The following HLCS variants were observed in gnomAD, a reference collection of about 807,000 sequenced individuals.
HLCS encodes the protein holocarboxylase synthetase, also known as biotin--protein ligase.
A neutral mutation model predicts 75.0 loss-of-function variants in HLCS; 53 were observed. The ratio of observed to expected loss-of-function variants is 0.71; its 90% CI spans 0.57 to 0.89. The LOEUF (loss-of-function observed/expected upper bound fraction) is 0.89. HLCS is among the 40% of genes least tolerant of loss of function. The pLI is 0.00. For missense variants in HLCS, 966 were observed against 1,074.0 expected, an observed-to-expected ratio of 0.90 and a Z score of 1.41; for synonymous variants, 431 against 428.6, an observed-to-expected ratio of 1.01 and a Z score of -0.07.
chr21:36,952,789 CAAAAAAAAAA>C (rs35700333), intron 2 of HLCS, among the ~76,000 whole-genome samples: 2 of 48,854 alleles, frequency 4.1e-5, no homozygotes, highest in South Asian at 7.2e-4. Flanking sequence ...GACTCCGTCT[CAAAAAAAAAA>C]AAAAAAAAAA....
At chr21:36,846,874 C>T (rs373500494) in intron 6 of HLCS, among the ~76,000 whole-genome samples, 60 of 152,254 alleles carry the variant, frequency 3.9e-4, no homozygotes, top group African/African-American at 1.3e-3. Flanking sequence ...CGTCTTGGCT[C>T]GATTGGTCCA....
chr21:36,763,391 T>TG (rs2145760237), intron 8 of HLCS, among the ~76,000 whole-genome samples: 1 of 152,248 alleles, frequency 6.6e-6, no homozygotes, highest in East Asian at 1.9e-4. Flanking sequence ...AGCCCTGTAA[T>TG]GGTGTGATGC....
intron 6 of HLCS, among the ~76,000 whole-genome samples, chr21:36,784,032 A>C (rs2145848807): frequency 6.6e-6 from 1 of 152,298 alleles, no homozygotes; most frequent in Non-Finnish European, 1.5e-5. Flanking sequence ...CTACACTGCA[A>C]GCAAGCCAGT....
chr21:36,930,385 C>A lies in HLCS; in HGVS notation c.1486G>T (p.Asp496Tyr), dbSNP rs913169966. 1.9e-6 allele frequency: 3 copies of A among 1,614,152 alleles called. No homozygotes were observed. Among genetic ancestry groups the A allele is most frequent in the Non-Finnish European group, 2.5e-6 (3 of 1,180,008 alleles). Residue 496 changes from aspartate (D) to tyrosine (Y), a missense_variant, in exon 5 of 11, where the codon GAT becomes TAT. Physicochemically the swap from Asp to Tyr is radical, Grantham distance 160 (BLOSUM62 -3). Coordinates refer to ENST00000674895, the MANE Select transcript of HLCS (RefSeq NM_001352514.2). ...TTGCTTGACTTGAGCAAGTTAAAAT[C>A]TTCTGGAGTTTGCACTATGTTGGAG... ...PSSNIVQTPE[D>Y]FNLLKSSNFR...
chr21:36,867,002 A>G (rs1045787144), intron 6 of HLCS, among the ~76,000 whole-genome samples: 3 of 152,200 alleles, frequency 2.0e-5, no homozygotes, highest in Non-Finnish European at 4.4e-5. Context: ...AAATCAGCCC[A>G]CAGATGGTTG....
intron 2 of HLCS, among the ~76,000 whole-genome samples, chr21:36,952,191 A>G (rs1165665256): frequency 1.3e-5 from 2 of 152,232 alleles, no homozygotes; most frequent in African/African-American, 2.4e-5. Flanking sequence ...CAGGTAGAAC[A>G]TACACACACA....
intron 1 of HLCS, among the ~76,000 whole-genome samples, chr21:36,975,698 G>C (rs559585584): frequency 6.6e-6 from 1 of 152,058 alleles, no homozygotes; most frequent in African/African-American, 2.4e-5. Context: ...GCTGGAGCCC[G>C]GGAGTTCCAG....
intron 6 of HLCS, among the ~76,000 whole-genome samples, chr21:36,889,304 G>A (rs183398453): frequency 6.6e-4 from 101 of 152,314 alleles, no homozygotes; most frequent in Admixed American, 1.8e-3. Flanking sequence ...GGAAATTGGC[G>A]TAAGCAAGTT....
chr21:36,769,802 CCTTTAAGATTAAG>C (rs1265026112), intron 6 of HLCS, among the ~76,000 whole-genome samples: 100 of 152,180 alleles, frequency 6.6e-4, no homozygotes, highest in African/African-American at 2.4e-3. Context: ...GTCACATGGT[CCTTTAAGATTAAG>C]CTTTAATGAT....
Position 36,938,994 on chromosome 21 carries a change from T to C in HLCS, c.331A>G (p.Ile111Val). ...AAACAACAGTCTGACCACTTGACAA[T>C]CTGAGAAAAAGCAGGAGAGGGAGGA... The part of the protein sequence containing the change: ...NLQRSSSSET[I>V]VKWSDCCLPL... Residue 111 changes from isoleucine to valine, a missense_variant and splice_region_variant, in exon 3 of 11, where the codon ATT becomes GTT. Ile to Val is a conservative substitution (Grantham distance 29). Transcript: ENST00000674895. 6.2e-7 allele frequency: 1 copy of C among 1,605,266 alleles called. No individual in the cohort carries two copies. Among genetic ancestry groups the C allele is most frequent in the Non-Finnish European group, 8.5e-7 (1 of 1,179,004 alleles).
intron 6 of HLCS, among the ~76,000 whole-genome samples, chr21:36,792,122 T>C (rs999141320): frequency 2.2e-4 from 33 of 152,008 alleles, no homozygotes; most frequent in African/African-American, 7.2e-4. Flanking sequence ...AAAGACCATC[T>C]CAGCACCGGG....
At chr21:36,770,836 A>G (rs1176981331) in intron 6 of HLCS, among the ~76,000 whole-genome samples, 1 of 152,188 alleles carries the variant, frequency 6.6e-6, no homozygotes, top group Non-Finnish European at 1.5e-5. Context: ...GGAAAAAAGC[A>G]TATTTTTACA....
At chr21:36,916,249 G>C (rs1485852223) in intron 5 of HLCS, among the ~76,000 whole-genome samples, 1 of 152,154 alleles carries the variant, frequency 6.6e-6, no homozygotes, top group East Asian at 1.9e-4. Context: ...ATGATCATCA[G>C]TGGAATTTTC....
chr21:36,867,616 A>T (rs1226987072), intron 6 of HLCS, among the ~76,000 whole-genome samples: 1 of 152,180 alleles, frequency 6.6e-6, no homozygotes, highest in Non-Finnish European at 1.5e-5. Context: ...GTGGAAAAGC[A>T]ATGACCAGAT....
In HLCS at chr21:36,889,550, G is replaced by A. The variant is rs144688112; in HGVS notation, c.1892+7310C>T. Among the ~76,000 whole-genome samples the A allele has an allele frequency of 4.2e-3, 640 of 152,292 alleles. 5 individuals are homozygous for A. Among genetic ancestry groups the A allele is most frequent in the African/African-American group, 0.014 (586 of 41,558 alleles). ...ATGGAATGTGCCACACACCCACTAC[G>A]TCAAGGCAGACTGAACTCTGGGAGG... On this transcript the variant is annotated intron_variant, in intron 6 of 10. Transcript: ENST00000674895.
chr21:36,840,729 C>T (rs2062587365), intron 6 of HLCS, among the ~76,000 whole-genome samples: 1 of 152,152 alleles, frequency 6.6e-6, no homozygotes, highest in Admixed American at 6.5e-5. Context: ...TCTGCCGCCT[C>T]AGCCTCCCGA....
intron 6 of HLCS, among the ~76,000 whole-genome samples, chr21:36,854,076 T>C (rs2063105152): frequency 1.3e-5 from 2 of 152,212 alleles, no homozygotes; most frequent in Admixed American, 6.5e-5. Context: ...TAACTTTTAA[T>C]GGATAATGGC....
At chr21:36,858,161 A>C (rs2063262520) in intron 6 of HLCS, among the ~76,000 whole-genome samples, 2 of 152,170 alleles carry the variant, frequency 1.3e-5, no homozygotes, top group Admixed American at 1.3e-4. Flanking sequence ...TTTTATAAAA[A>C]ATTTCTTTCA....
intron 2 of HLCS, among the ~76,000 whole-genome samples, chr21:36,953,825 A>T (rs2067785245): frequency 6.6e-6 from 1 of 152,194 alleles, no homozygotes; most frequent in African/African-American, 2.4e-5. Flanking sequence ...TAAATTTAAT[A>T]CAGTCATGTA....
Sources: gnomAD v4.1 joint callset for allele counts (sites outside exome capture counted in the v4.1 genomes callset) on GRCh38, gnomAD v4.1.1 for gene constraint, MANE v1.5 for transcripts, NCBI Gene and HGNC (gene_info 2026-07-23, HGNC 2026-07-21) for gene names.